The following PRH1 variants were observed in gnomAD, a reference collection of about 807,000 sequenced individuals.
The protein encoded by PRH1 is proline rich protein HaeIII subfamily 1, also known as salivary acidic proline-rich phosphoprotein 1/2.
PRH1 carries 7 observed loss-of-function variants against 7.9 expected under a neutral mutation model. That is an observed-to-expected ratio of 0.89 (90% CI 0.50 to 1.67). The LOEUF (loss-of-function observed/expected upper bound fraction) is 1.67, where lower values mean the gene tolerates loss of function less well. PRH1 is among the 40% of genes most tolerant of loss of function. The pLI is 0.00. For missense variants in PRH1, 109 were observed against 223.6 expected (o/e 0.49, Z 3.27); for synonymous variants, 45 against 80.8 (o/e 0.56, Z 2.38).
intron 1 of PRH1, among the ~76,000 whole-genome samples, chr12:10,976,220 C>T (rs985403906): frequency 6.6e-6 from 1 of 152,096 alleles, no homozygotes; most frequent in African/African-American, 2.4e-5. Context: ...ATACCAGTCA[C>T]GTTCTTGGAC....
chr12:11,120,293 A>T (rs188824968), downstream of PRH1, among the ~76,000 whole-genome samples: 24 of 152,304 alleles, frequency 1.6e-4, no homozygotes, highest in East Asian at 4.6e-3. Context: ...GATAACTGAA[A>T]TCAATTTTAT....
At chr12:11,086,254 T>A (rs80317785) in intron 1 of PRH1, among the ~76,000 whole-genome samples, 64,045 of 126,174 alleles carry the variant, frequency 0.51, 11,942 homozygotes, top group Non-Finnish European at 0.59. Context: ...TGACTAAGTT[T>A]TTCTCTTGAG....
At chr12:11,146,719 C>T (rs1007891985) in intron 1 of PRH1, among the ~76,000 whole-genome samples, 1 of 152,084 alleles carries the variant, frequency 6.6e-6, no homozygotes, top group Non-Finnish European at 1.5e-5. Context: ...ATGTTTAGAT[C>T]TTAGTCCTTT....
chr12:10,894,864 TGA>T (rs1234864006), intron 2 of PRH1: 7 of 152,190 alleles, frequency 4.6e-5, no homozygotes, highest in Non-Finnish European at 8.8e-5. Context: ...AAGAGGTAGG[TGA>T]AAGAAACAAA....
chr12:10,958,427 A>G (rs1938081832), intron 2 of PRH1, among the ~76,000 whole-genome samples: 2 of 152,130 alleles, frequency 1.3e-5, no homozygotes, highest in South Asian at 4.1e-4. Context: ...GAGGAGAGTG[A>G]AGATAAAAGA....
At chr12:10,986,705 C>T (rs759816044) in intron 1 of PRH1, 45 of 1,612,322 alleles carry the variant, frequency 2.8e-5, no homozygotes, top group Middle Eastern at 1.6e-4. Context: ...TTCTGGAGAC[C>T]GCCAGAGCAG....
intron 1 of PRH1, among the ~76,000 whole-genome samples, chr12:10,981,365 ATTTTTTTT>A (rs528019045): frequency 0.27 from 30,009 of 111,888 alleles, 3,455 homozygotes; most frequent in Middle Eastern, 0.32. Context: ...TTACTTCTGG[ATTTTTTTT>A]TTTTTTTTTT....
At chr12:11,129,479 G>A (rs555784641) in intron 1 of PRH1, among the ~76,000 whole-genome samples, 1 of 152,406 alleles carries the variant, frequency 6.6e-6, no homozygotes, top group Non-Finnish European at 1.5e-5. Flanking sequence ...AATGGAACTG[G>A]TCACTGTCAT....
chr12:11,162,840 T>C (rs117058409), intron 1 of PRH1, among the ~76,000 whole-genome samples: 2,327 of 152,322 alleles, frequency 0.015, 19 homozygotes, highest in South Asian at 0.031. Flanking sequence ...GAATACCCCC[T>C]GGGCAACCAT....
At chr12:10,952,377 T>C (rs1937725160) in intron 2 of PRH1, among the ~76,000 whole-genome samples, 1 of 152,218 alleles carries the variant, frequency 6.6e-6, no homozygotes, top group South Asian at 2.1e-4. Context: ...CAATTTATAA[T>C]GCAACCCTCA....
chr12:10,927,974 T>C (rs1312528157), intron 2 of PRH1, among the ~76,000 whole-genome samples: 1 of 152,174 alleles, frequency 6.6e-6, no homozygotes, highest in African/African-American at 2.4e-5. Flanking sequence ...AGAAACTTAA[T>C]AGTTTATTGT....
intron 1 of PRH1, among the ~76,000 whole-genome samples, chr12:11,149,434 G>A (rs1469121765): frequency 6.6e-6 from 1 of 152,010 alleles, no homozygotes; most frequent in Non-Finnish European, 1.5e-5. Flanking sequence ...CAAGGCTACA[G>A]TAACCAAAAC....
chr12:11,117,006 G>A (rs1184253021), downstream of PRH1, among the ~76,000 whole-genome samples: 1 of 151,978 alleles, frequency 6.6e-6, no homozygotes, highest in African/African-American at 2.4e-5. Flanking sequence ...TCTAAGATCT[G>A]GAACATGACA....
At chr12:11,010,186 G>A (rs11054162) in intron 1 of PRH1, among the ~76,000 whole-genome samples, 46,120 of 151,540 alleles carry the variant, frequency 0.3, 8,844 homozygotes, top group East Asian at 0.74. Context: ...CTTGACTTGA[G>A]CTTTGCTTTT....
At chr12:11,063,827 T>C (rs1943705644) in intron 1 of PRH1, among the ~76,000 whole-genome samples, 1 of 152,046 alleles carries the variant, frequency 6.6e-6, no homozygotes, top group African/African-American at 2.4e-5. Flanking sequence ...TTTCCTCACG[T>C]TGCAACTAAA....
At chr12:10,893,543 CA>C (rs1949605368) in intron 2 of PRH1, among the ~76,000 whole-genome samples, 1 of 152,146 alleles carries the variant, frequency 6.6e-6, no homozygotes, top group Non-Finnish European at 1.5e-5. Context: ...CCTAGGGGGG[CA>C]AAATTGCCCT....
intron 1 of PRH1, chr12:11,021,525 T>C (rs1941627449): frequency 1.9e-6 from 1 of 539,700 alleles, no homozygotes; most frequent in Admixed American, 4.3e-5. Context: ...TTTCTAGGTA[T>C]CTGTTTTGAA....
chr12:11,166,605 A>G (rs1947591654), intron 1 of PRH1, among the ~76,000 whole-genome samples: 1 of 152,140 alleles, frequency 6.6e-6, no homozygotes. Context: ...CTGGCCAACA[A>G]CCACCTTTTA....
intron 2 of PRH1, among the ~76,000 whole-genome samples, chr12:10,904,294 T>G (rs1949771054): frequency 6.6e-6 from 1 of 152,062 alleles, no homozygotes; most frequent in South Asian, 2.1e-4. Flanking sequence ...AAAGCTACAG[T>G]AACCAAAACA....
Sources: allele counts gnomAD v4.1 joint callset (sites outside exome capture counted in the v4.1 genomes callset), GRCh38; gene constraint gnomAD v4.1.1; transcripts MANE v1.5; gene names NCBI Gene and HGNC (gene_info 2026-07-23, HGNC 2026-07-21).